COLGALT2: variants seen among roughly 807,000 people sequenced by gnomAD.
COLGALT2 encodes procollagen galactosyltransferase 2.
COLGALT2 carries 49 observed loss-of-function variants against 73.4 expected under a neutral mutation model. The ratio of observed to expected loss-of-function variants is 0.67; its 90% confidence interval spans 0.53 to 0.85. COLGALT2 has a LOEUF of 0.85. Ranked by LOEUF, COLGALT2 falls within the 40% of genes least tolerant of loss-of-function variation. The probability of loss-of-function intolerance (pLI) is 0.00; values close to 1 mark genes in which losing one functional copy is unlikely to be tolerated. For missense variants in COLGALT2, 722 were observed against 790.2 expected (o/e 0.91, Z 1.03); for synonymous variants, 295 against 307.6 (o/e 0.96, Z 0.43).
At chr1:183,953,995 G>C (rs944212164) in intron 7 of COLGALT2, among the ~76,000 whole-genome samples, 2 of 152,168 alleles carry the variant, frequency 1.3e-5, no homozygotes, top group Non-Finnish European at 2.9e-5. Context: ...GTCCATGGAA[G>C]AGTTCTCAGT....
chr1:184,031,728 G>A (rs1649515008), intron 1 of COLGALT2, among the ~76,000 whole-genome samples: 3 of 152,100 alleles, frequency 2.0e-5, no homozygotes, highest in Admixed American at 1.3e-4. Context: ...TGATAGAGTA[G>A]AATGTAATGG....
At chr1:184,003,279 T>G (rs190663972) in intron 1 of COLGALT2, among the ~76,000 whole-genome samples, 2 of 152,248 alleles carry the variant, frequency 1.3e-5, no homozygotes, top group East Asian at 3.9e-4. Context: ...CAAGGCTAAG[T>G]CAGAAAAGGC....
intron 4 of COLGALT2, among the ~76,000 whole-genome samples, chr1:183,971,684 A>G (rs990083358): frequency 1.1e-4 from 16 of 152,258 alleles, no homozygotes; most frequent in African/African-American, 3.9e-4. Context: ...AGAAATAATT[A>G]CAACAAAAGA....
chr1:184,010,980 C>T (rs546871564), intron 1 of COLGALT2, among the ~76,000 whole-genome samples: 4 of 152,210 alleles, frequency 2.6e-5, no homozygotes, highest in African/African-American at 9.6e-5. Flanking sequence ...GGGAGGAAGG[C>T]CTGTTTTTAA....
intron 10 of COLGALT2, among the ~76,000 whole-genome samples, chr1:183,942,332 G>T (rs1246461639): frequency 6.7e-6 from 1 of 149,286 alleles, no homozygotes; most frequent in Non-Finnish European, 1.5e-5. Flanking sequence ...TGAAGAGTTG[G>T]TACAAAAAAA....
At chr1:183,939,557 A>G (rs1230458101) in intron 11 of COLGALT2, among the ~76,000 whole-genome samples, 3 of 152,204 alleles carry the variant, frequency 2.0e-5, no homozygotes, top group Non-Finnish European at 4.4e-5. Flanking sequence ...AGAGTACATG[A>G]GGTGACATCT....
rs1433237705 is a variant in COLGALT2 at position 183,936,633 on chromosome 1, T to G, written c.*2128A>C. On this transcript the variant is annotated 3_prime_UTR_variant, in exon 12 of 12. Coordinates refer to ENST00000361927, the MANE Select transcript of COLGALT2 (RefSeq NM_015101.4). ...CCCATTAAAAAAGTCATTAAAGTCA[T>G]GCACACATGCACACACTCAAATATG... 9 of 1,211,248 alleles carry G rather than the reference T, an allele frequency of 7.4e-6. No individual in the cohort carries two copies. The highest frequency in any genetic ancestry group is 4.3e-5 in the South Asian group (1 of 23,272). 75.0% of individuals were successfully genotyped at this position (1,211,248 alleles called of 1,614,324 possible).
chr1:184,020,994 A>G (rs1359689119), intron 1 of COLGALT2, among the ~76,000 whole-genome samples: 1 of 152,074 alleles, frequency 6.6e-6, no homozygotes, highest in South Asian at 2.1e-4. Context: ...TCCATAGCAG[A>G]AACTGAAGTG....
intron 1 of COLGALT2, among the ~76,000 whole-genome samples, chr1:183,999,391 T>C (rs1030546203): frequency 6.6e-6 from 1 of 152,162 alleles, no homozygotes; most frequent in African/African-American, 2.4e-5. Flanking sequence ...TACATTTATG[T>C]ATATGGGTAA....
At chr1:183,985,690 G>A (rs1558326158) in intron 1 of COLGALT2, among the ~76,000 whole-genome samples, 1 of 152,170 alleles carries the variant, frequency 6.6e-6, no homozygotes, top group Non-Finnish European at 1.5e-5. Context: ...GTCTGCGATT[G>A]GTGGAGTAGC....
At chr1:184,032,429 GTTACTA>G (rs746435757) in intron 1 of COLGALT2, among the ~76,000 whole-genome samples, 46 of 152,178 alleles carry the variant, frequency 3.0e-4, no homozygotes, top group Non-Finnish European at 5.7e-4. Flanking sequence ...TGAGACAGGT[GTTACTA>G]TTAGTTATTT....
At chr1:183,992,067 G>GC (rs1177813417) in intron 1 of COLGALT2, among the ~76,000 whole-genome samples, 2 of 152,054 alleles carry the variant, frequency 1.3e-5, no homozygotes, top group African/African-American at 4.8e-5. Flanking sequence ...GCAAACCTCA[G>GC]CTAAGTGCTC....
chr1:183,985,701 A>G (rs965011842), intron 1 of COLGALT2, among the ~76,000 whole-genome samples: 6 of 152,230 alleles, frequency 3.9e-5, no homozygotes, highest in Non-Finnish European at 7.3e-5. Flanking sequence ...GTGGAGTAGC[A>G]GGATGGCAAC....
intron 1 of COLGALT2, among the ~76,000 whole-genome samples, chr1:183,998,113 T>C (rs1412420056): frequency 6.6e-6 from 1 of 152,176 alleles, no homozygotes; most frequent in African/African-American, 2.4e-5. Flanking sequence ...CAATTGATAG[T>C]CCCAGGAGCA....
intron 1 of COLGALT2, among the ~76,000 whole-genome samples, chr1:184,017,442 C>G (rs1275370138): frequency 6.6e-6 from 1 of 152,134 alleles, no homozygotes; most frequent in Non-Finnish European, 1.5e-5. Flanking sequence ...AGCCAGACGG[C>G]AGAGCCTTTG....
At chr1:183,999,548 G>A (rs1299411015) in intron 1 of COLGALT2, among the ~76,000 whole-genome samples, 1 of 151,970 alleles carries the variant, frequency 6.6e-6, no homozygotes, top group East Asian at 1.9e-4. Context: ...ATCTTTTCAT[G>A]AAATAATATA....
At position 183,938,153 on chromosome 1, in the gene COLGALT2, A is replaced by G. The variant is rs1278332635; in HGVS notation, c.*608T>C. ...CCATGATGGTCACAGGCCAAGTCTC[A>G]GTCGGACCCAAATACCCACCCCTAC... is the stretch of plus-strand genomic sequence containing the variant. On this transcript the variant is annotated 3_prime_UTR_variant, in exon 12 of 12. Transcript: ENST00000361927. The G allele has an allele frequency of 1.0e-6, 1 of 986,104 alleles. No homozygotes were observed. Among genetic ancestry groups the G allele is most frequent in the Non-Finnish European group, 1.2e-6 (1 of 830,544 alleles). 61.1% of individuals were successfully genotyped at this position (986,104 alleles called of 1,614,324 possible).
chr1:183,959,386 A>G (rs888215664), intron 6 of COLGALT2, among the ~76,000 whole-genome samples: 10 of 152,140 alleles, frequency 6.6e-5, no homozygotes, highest in Non-Finnish European at 1.3e-4. Context: ...AATATCTTAA[A>G]CTTACGTGAC....
intron 7 of COLGALT2, among the ~76,000 whole-genome samples, chr1:183,953,034 A>G (rs1313731148): frequency 1.3e-5 from 2 of 152,204 alleles, no homozygotes; most frequent in African/African-American, 4.8e-5. Flanking sequence ...TAAATCCAAA[A>G]AGGCCCCCAA....
Sources: gnomAD v4.1 joint callset for allele counts (sites outside exome capture counted in the v4.1 genomes callset) on GRCh38, gnomAD v4.1.1 for gene constraint, MANE v1.5 for transcripts, NCBI Gene and HGNC (gene_info 2026-07-23, HGNC 2026-07-21) for gene names.